Variants in CADPS observed in about 807,000 individuals in gnomAD.
CADPS encodes calcium dependent secretion activator.
CADPS carries 57 observed loss-of-function variants against 167.3 expected under a neutral mutation model. The ratio of observed to expected loss-of-function variants is 0.34; its 90% CI spans 0.28 to 0.42. The LOEUF is 0.42. Among genes scored for constraint, CADPS ranks in the 20% least tolerant of loss-of-function variants. CADPS has a pLI of 1.00. For synonymous variants in CADPS, 676 were observed against 635.3 expected, an observed-to-expected ratio of 1.06 and a Z score of -0.96; for missense variants, 1,414 against 1,738.1, an observed-to-expected ratio of 0.81 and a Z score of 3.32.
intron 21 of CADPS, among the ~76,000 whole-genome samples, chr3:62,487,655 T>C (rs1270985823): frequency 1.3e-5 from 2 of 152,250 alleles, no homozygotes; most frequent in African/African-American, 4.8e-5. Context: ...GATGGAAGAC[T>C]GTCTTTCTAG....
At chr3:62,811,289 T>A (rs916651840) in intron 1 of CADPS, among the ~76,000 whole-genome samples, 7 of 151,834 alleles carry the variant, frequency 4.6e-5, no homozygotes, top group Non-Finnish European at 8.8e-5. Context: ...CCAGCCAATC[T>A]TATAAAAAAA....
intron 6 of CADPS, among the ~76,000 whole-genome samples, chr3:62,639,399 AT>A (rs1319098285): frequency 6.6e-6 from 1 of 152,142 alleles, no homozygotes; most frequent in African/African-American, 2.4e-5. Context: ...AAAGGAGCTG[AT>A]TCTCAGGAAG....
At chr3:62,703,420 T>C (rs1167390032) in intron 3 of CADPS, among the ~76,000 whole-genome samples, 1 of 151,880 alleles carries the variant, frequency 6.6e-6, no homozygotes, top group Non-Finnish European at 1.5e-5. Context: ...GTGTAGGGAA[T>C]TGGCATTAGA....
At chr3:62,613,835 G>T (rs1017984992) in intron 6 of CADPS, among the ~76,000 whole-genome samples, 1 of 152,196 alleles carries the variant, frequency 6.6e-6, no homozygotes, top group South Asian at 2.1e-4. Flanking sequence ...TTAGAAGAAA[G>T]GAGGGCAGCC....
chr3:62,557,547 C>T, intron 9 of CADPS, 34 bp from the exon 10 acceptor site: 4 of 1,525,512 alleles, frequency 2.6e-6, no homozygotes, highest in South Asian at 1.1e-5. Flanking sequence ...AGGTTGACCC[C>T]TGGAGCCTGT....
intron 1 of CADPS, among the ~76,000 whole-genome samples, chr3:62,873,349 T>C (rs1254872553): frequency 2.0e-5 from 3 of 152,212 alleles, no homozygotes; most frequent in African/African-American, 7.2e-5. Context: ...ACTGAAAGAT[T>C]CACTATTTTC....
chr3:62,568,340 C>T (rs754008491), intron 9 of CADPS, among the ~76,000 whole-genome samples: 3 of 152,206 alleles, frequency 2.0e-5, no homozygotes, highest in Non-Finnish European at 4.4e-5. Flanking sequence ...AAGACCCACA[C>T]GCAGTGTGAA....
At chr3:62,846,180 G>A (rs976042974) in intron 1 of CADPS, among the ~76,000 whole-genome samples, 2 of 151,978 alleles carry the variant, frequency 1.3e-5, no homozygotes, top group South Asian at 2.1e-4. Context: ...TGTACAACCC[G>A]TGGAACTGTG....
chr3:62,743,143 T>G (rs951785305), intron 3 of CADPS, among the ~76,000 whole-genome samples: 1 of 152,052 alleles, frequency 6.6e-6, no homozygotes, highest in African/African-American at 2.4e-5. Flanking sequence ...GAAAGGCTGT[T>G]AAGAAAAAGG....
At chr3:62,740,937 T>C (rs2080093560) in intron 3 of CADPS, among the ~76,000 whole-genome samples, 1 of 152,240 alleles carries the variant, frequency 6.6e-6, no homozygotes, top group Non-Finnish European at 1.5e-5. Flanking sequence ...ATATTGACTT[T>C]TTAACAGTTA....
At chr3:62,634,126 G>A (rs1009694577) in intron 6 of CADPS, among the ~76,000 whole-genome samples, 3 of 152,128 alleles carry the variant, frequency 2.0e-5, no homozygotes, top group African/African-American at 7.2e-5. Flanking sequence ...ATTAAGGTAA[G>A]CCTTATCTTA....
At chr3:62,670,043 A>G (rs1007421231) in intron 3 of CADPS, among the ~76,000 whole-genome samples, 2 of 152,200 alleles carry the variant, frequency 1.3e-5, no homozygotes, top group African/African-American at 4.8e-5. Flanking sequence ...GGATTTCGGA[A>G]TCAGAAAACC....
intron 2 of CADPS, among the ~76,000 whole-genome samples, chr3:62,759,303 G>A (rs1252088022): frequency 6.6e-6 from 1 of 152,162 alleles, no homozygotes; most frequent in African/African-American, 2.4e-5. Flanking sequence ...CCTGCAAGTT[G>A]GTTAGCCTGT....
intron 1 of CADPS, among the ~76,000 whole-genome samples, chr3:62,785,784 A>C (rs1301575835): frequency 6.6e-6 from 1 of 152,166 alleles, no homozygotes; most frequent in Non-Finnish European, 1.5e-5. Context: ...ATGGATCTTT[A>C]TCAACACTGA....
chr3:62,808,569 T>C (rs1424173588), intron 1 of CADPS, among the ~76,000 whole-genome samples: 1 of 152,190 alleles, frequency 6.6e-6, no homozygotes, highest in Non-Finnish European at 1.5e-5. Flanking sequence ...ACCATTCTCC[T>C]GGTTTTCCTT....
chr3:62,550,203 C>T, intron 10 of CADPS, 88 bp from the exon 11 acceptor site: 6 of 1,033,610 alleles, frequency 5.8e-6, no homozygotes, highest in South Asian at 1.4e-5. Flanking sequence ...GTTTCTGCTG[C>T]TTTTCCTTGG....
intron 1 of CADPS, among the ~76,000 whole-genome samples, chr3:62,864,278 A>G (rs756886752): frequency 1.3e-5 from 2 of 152,204 alleles, no homozygotes; most frequent in Non-Finnish European, 2.9e-5. Context: ...CCTATGCTGG[A>G]GACAAAAGAT....
In CADPS at chr3:62,734,276, ATT is replaced by A. The variant is rs770480797; in HGVS notation, c.888+19163_888+19164del. On this transcript the variant is annotated intron_variant, in intron 3 of 29. Coordinates refer to ENST00000383710, the MANE Select transcript of CADPS (RefSeq NM_003716.4). ...GAAATGTTCTATGTCTGTGCTGTCCATTTTAGCAGCCGCAAGTCACATGTGGC... is the reference window on the plus strand; with the variant it reads ...GAAATGTTCTATGTCTGTGCTGTCCATTAGCAGCCGCAAGTCACATGTGGC... Among the ~76,000 whole-genome samples the A allele has an allele frequency of 3.3e-5, 5 of 152,260 alleles. No homozygotes were observed. In the East Asian group the frequency reaches 9.7e-4, roughly 29 times the overall value.
chr3:62,537,040 G>A (rs747261149), intron 11 of CADPS, among the ~76,000 whole-genome samples: 3 of 152,094 alleles, frequency 2.0e-5, no homozygotes, highest in Non-Finnish European at 4.4e-5. Flanking sequence ...CTGATTTTCA[G>A]CAAAGTGACA....
Sources: allele counts gnomAD v4.1 joint callset (sites outside exome capture counted in the v4.1 genomes callset), GRCh38; gene constraint gnomAD v4.1.1; transcripts MANE v1.5; gene names NCBI Gene and HGNC (gene_info 2026-07-23, HGNC 2026-07-21).